MGLL: variants seen among roughly 807,000 people sequenced by gnomAD.
MGLL encodes the protein monoglyceride lipase.
MGLL carries 7 observed loss-of-function variants against 29.1 expected under a neutral mutation model. The observed-to-expected ratio is 0.24, with a 90% CI of 0.14 to 0.45. The LOEUF (loss-of-function observed/expected upper bound fraction) is 0.45, where lower values mean the gene tolerates loss of function less well. MGLL is among the 20% of genes least tolerant of loss of function. The probability of loss-of-function intolerance (pLI) is 0.99; values close to 1 mark genes in which losing one functional copy is unlikely to be tolerated. For synonymous variants in MGLL, 148 were observed against 168.3 expected, an observed-to-expected ratio of 0.88 and a Z score of 0.93; for missense variants, 356 against 413.6, an observed-to-expected ratio of 0.86 and a Z score of 1.21.
intron 3 of MGLL, among the ~76,000 whole-genome samples, chr3:127,769,977 C>T (rs1284961740): frequency 6.6e-6 from 1 of 152,228 alleles, no homozygotes; most frequent in Non-Finnish European, 1.5e-5. Context: ...CCCCAGGCCG[C>T]TCTGCTGCAA....
Position 127,781,802 on chromosome 3 carries a change from G to T in MGLL, c.249C>A (p.Phe83Leu), listed in dbSNP as rs775022435. The change falls in exon 3 of 8, where the codon TTC (phenylalanine) becomes TTA (leucine). Residue 83 changes from phenylalanine (F) to leucine (L), a missense_variant. Physicochemically the swap from Phe to Leu is conservative, Grantham distance 22 (BLOSUM62 0). Transcript: ENST00000265052. ...RMLMGLDLLVFAHDHVGHGQS... is the reference protein window; with the variant it reads ...RMLMGLDLLVLAHDHVGHGQS... Reference sequence around the variant, plus strand: ...TGGGACACTCACCATGGTCGTGGGCGAACACCAGCAGGTCCAGCCCCATCA... The same window carrying T: ...TGGGACACTCACCATGGTCGTGGGCTAACACCAGCAGGTCCAGCCCCATCA... The T allele has an allele frequency of 2.5e-6, 4 of 1,614,050 alleles. No homozygotes were observed. Among genetic ancestry groups the T allele is most frequent in the Non-Finnish European group, 3.4e-6 (4 of 1,179,988 alleles).
chr3:127,729,560 T>C, intron 3 of MGLL, among the ~76,000 whole-genome samples: 1 of 152,210 alleles, frequency 6.6e-6, no homozygotes, highest in East Asian at 1.9e-4. Flanking sequence ...GTCCACAATA[T>C]TGTTGCAACA....
At position 127,781,915 on chromosome 3, in the gene MGLL, G is replaced by A; in HGVS notation, c.156-20C>T. On this transcript the variant is annotated intron_variant, in intron 2 of 7. Transcript: ENST00000265052. ...AGGGCCCTGCAGAGACAAGAAGGGA[G>A]CCTGGTTAGGAAAGCCCACACGGGG... 1 of 1,612,184 alleles carries A rather than the reference G, an allele frequency of 6.2e-7. No homozygotes were observed. Among genetic ancestry groups the A allele is most frequent in the Non-Finnish European group, 8.5e-7 (1 of 1,178,494 alleles).
intron 2 of MGLL, among the ~76,000 whole-genome samples, chr3:127,793,773 G>T (rs2077339424): frequency 6.6e-6 from 1 of 152,228 alleles, no homozygotes; most frequent in East Asian, 1.9e-4. Context: ...TGTTGGCCAG[G>T]CTGGTCTCAA....
At chr3:127,754,623 C>T (rs1468852680) in intron 3 of MGLL, among the ~76,000 whole-genome samples, 2 of 152,184 alleles carry the variant, frequency 1.3e-5, no homozygotes, top group East Asian at 3.9e-4. Context: ...GGTCTGTTCT[C>T]ACCACTCAGG....
intron 2 of MGLL, among the ~76,000 whole-genome samples, chr3:127,800,410 C>T (rs2077454838): frequency 6.6e-6 from 1 of 152,216 alleles, no homozygotes. Flanking sequence ...GAGTTCAGAT[C>T]TAGGCTCTGT....
rs1309658362 is a variant in MGLL, at chr3:127,697,160, T to C, written c.601-1970A>G. ...AGAGGACACGGGACTGGCAGGGCAG[T>C]TCATGGGGGCCCATGGCCAGGCCCA... On this transcript the variant is annotated intron_variant, in intron 6 of 7. Coordinates refer to ENST00000265052, the MANE Select transcript of MGLL (RefSeq NM_007283.7). Among the ~76,000 whole-genome samples the C allele has an allele frequency of 3.3e-5, 5 of 152,268 alleles. No homozygotes were observed. In the East Asian group the frequency reaches 9.6e-4, roughly 29 times the overall value.
chr3:127,788,320 AT>A (rs1305997829), intron 2 of MGLL, among the ~76,000 whole-genome samples: 2 of 152,104 alleles, frequency 1.3e-5, no homozygotes, highest in Non-Finnish European at 2.9e-5. Context: ...GGGTACTGTT[AT>A]TACCCCATTT....
intron 2 of MGLL, among the ~76,000 whole-genome samples, chr3:127,795,359 C>T (rs1402674575): frequency 7.0e-6 from 1 of 143,660 alleles, no homozygotes; most frequent in East Asian, 2.1e-4. Context: ...TACACATGGA[C>T]ATAAAGCTGG....
chr3:127,735,644 C>G, intron 3 of MGLL: 1 of 1,497,518 alleles, frequency 6.7e-7, no homozygotes, highest in African/African-American at 1.4e-5. Context: ...GTAGTTACCT[C>G]CAGTCACCTC....
intron 3 of MGLL, among the ~76,000 whole-genome samples, chr3:127,779,951 A>G (rs1419553563): frequency 6.6e-6 from 1 of 152,194 alleles, no homozygotes; most frequent in Admixed American, 6.5e-5. Context: ...AACTGGGTTC[A>G]TTTCCTGAAT....
chr3:127,777,680 A>G (rs1440393536), intron 3 of MGLL, among the ~76,000 whole-genome samples: 6 of 125,682 alleles, frequency 4.8e-5, no homozygotes, highest in African/African-American at 8.1e-5. Flanking sequence ...TGATGGTGCC[A>G]TGGAGTCCTT....
rs757717085 is a variant in MGLL, at chr3:127,777,971, G to A, written c.262+3818C>T. Among the ~76,000 whole-genome samples, 14 of 152,276 alleles carry A rather than the reference G, an allele frequency of 9.2e-5. No individual in the cohort carries two copies. The South Asian group carries it at 2.7e-3, about 29-fold the overall frequency. On this transcript the variant is annotated intron_variant, in intron 3 of 7. Transcript: ENST00000265052. ...GAGTTCATTTTGTACAAATTCTGAGGTTAACATGGAGAACAAAGTTAAATT... is the reference window on the plus strand; with the variant it reads ...GAGTTCATTTTGTACAAATTCTGAGATTAACATGGAGAACAAAGTTAAATT...
At chr3:127,804,250 G>T (rs2077526747) in intron 2 of MGLL, among the ~76,000 whole-genome samples, 1 of 152,240 alleles carries the variant, frequency 6.6e-6, no homozygotes, top group African/African-American at 2.4e-5. Context: ...GAGGAGGATG[G>T]GGCCGCAGAG....
intron 3 of MGLL, among the ~76,000 whole-genome samples, chr3:127,731,635 T>TAA: frequency 6.6e-6 from 1 of 152,272 alleles, no homozygotes; most frequent in Non-Finnish European, 1.5e-5. Flanking sequence ...CTGAGAGCCC[T>TAA]GAAATTCTTC....
At chr3:127,815,903 G>A (rs1161416637) in intron 2 of MGLL, among the ~76,000 whole-genome samples, 4 of 152,160 alleles carry the variant, frequency 2.6e-5, no homozygotes, top group South Asian at 2.1e-4. Context: ...CCACCCTGGC[G>A]CCCAAGGACC....
chr3:127,808,476 G>A (rs758801300), intron 2 of MGLL, among the ~76,000 whole-genome samples: 57 of 152,294 alleles, frequency 3.7e-4, no homozygotes, highest in Admixed American at 5.9e-4. Flanking sequence ...GACTTGCACT[G>A]GGTACTTGCC....
chr3:127,705,785 A>AAC (rs1440983508), intron 6 of MGLL, among the ~76,000 whole-genome samples: 2 of 151,628 alleles, frequency 1.3e-5, no homozygotes, highest in African/African-American at 4.9e-5. Context: ...TCAAAAAAAA[A>AAC]AAAAAAGAAG....
At chr3:127,755,665 C>T (rs2076651125) in intron 3 of MGLL, among the ~76,000 whole-genome samples, 1 of 152,218 alleles carries the variant, frequency 6.6e-6, no homozygotes, top group Admixed American at 6.5e-5. Context: ...CTTCTGTCTC[C>T]CCAGATATAC....
Sources: allele counts gnomAD v4.1 joint callset (sites outside exome capture counted in the v4.1 genomes callset), GRCh38; gene constraint gnomAD v4.1.1; transcripts MANE v1.5; gene names NCBI Gene and HGNC (gene_info 2026-07-23, HGNC 2026-07-21).